CTNNA3: variants seen among roughly 807,000 people sequenced by gnomAD.
CTNNA3 encodes catenin alpha 3, also known as catenin alpha-3.
In CTNNA3, 76 loss-of-function variants were observed where a neutral mutation model predicts 95.7. The observed-to-expected ratio is 0.79, with a 90% CI of 0.66 to 0.96. The LOEUF (loss-of-function observed/expected upper bound fraction) is 0.96, where lower values mean the gene tolerates loss of function less well. Among genes scored for constraint, CTNNA3 ranks in the 40% least tolerant of loss-of-function variants. The probability of loss-of-function intolerance (pLI) is 0.00; values close to 1 mark genes in which losing one functional copy is unlikely to be tolerated. For missense variants in CTNNA3, 1,191 were observed against 1,089.8 expected (o/e 1.09, Z -1.31); for synonymous variants, 431 against 374.4 (o/e 1.15, Z -1.74).
At chr10:66,237,906 G>A (rs576120305) in intron 13 of CTNNA3, among the ~76,000 whole-genome samples, 92 of 152,098 alleles carry the variant, frequency 6.0e-4, no homozygotes, top group Admixed American at 2.7e-3. Flanking sequence ...TCTTGCATCT[G>A]TGGTTTCTTC....
chr10:66,848,299 T>C (rs1006339742), intron 7 of CTNNA3, among the ~76,000 whole-genome samples: 1 of 152,176 alleles, frequency 6.6e-6, no homozygotes, highest in Admixed American at 6.5e-5. Context: ...CCCAGGCAAG[T>C]TCAAGTTTGC....
chr10:67,562,832 T>C (rs1214200898), intron 3 of CTNNA3, among the ~76,000 whole-genome samples: 4 of 152,070 alleles, frequency 2.6e-5, no homozygotes, highest in Non-Finnish European at 5.9e-5. Context: ...ACAAGCATTC[T>C]TATACACCAA....
intron 9 of CTNNA3, among the ~76,000 whole-genome samples, chr10:66,668,037 G>C (rs1453612266): frequency 6.6e-6 from 1 of 152,078 alleles, no homozygotes; most frequent in Non-Finnish European, 1.5e-5. Flanking sequence ...AAAGGATCAT[G>C]AATCATTCAC....
intron 7 of CTNNA3, chr10:67,015,166 TA>T (rs1253663080): frequency 1.3e-5 from 2 of 152,162 alleles, no homozygotes; most frequent in Non-Finnish European, 2.9e-5. Flanking sequence ...CTTCCAATAT[TA>T]CCTTGTCACA....
chr10:67,647,185 G>A (rs1284814849), intron 2 of CTNNA3, among the ~76,000 whole-genome samples: 3 of 130,958 alleles, frequency 2.3e-5, no homozygotes, highest in African/African-American at 8.1e-5. Flanking sequence ...TATTATTACT[G>A]CTATTCTTGC....
chr10:66,376,126 C>T (rs1292324462), intron 12 of CTNNA3, among the ~76,000 whole-genome samples: 5 of 152,136 alleles, frequency 3.3e-5, no homozygotes, highest in African/African-American at 9.7e-5. Flanking sequence ...ATAAATCACA[C>T]AAAAATGTCT....
At chr10:66,636,851 T>C (rs978476000) in intron 9 of CTNNA3, among the ~76,000 whole-genome samples, 2 of 152,106 alleles carry the variant, frequency 1.3e-5, no homozygotes, top group East Asian at 1.9e-4. Flanking sequence ...TAGATGTAAA[T>C]ACACAAAACA....
At chr10:67,705,139 A>G (rs990370936) in intron 1 of CTNNA3, among the ~76,000 whole-genome samples, 6 of 151,942 alleles carry the variant, frequency 3.9e-5, no homozygotes, top group Admixed American at 1.3e-4. Flanking sequence ...CAGGTGCTGG[A>G]GAGGATGTGG....
intron 7 of CTNNA3, among the ~76,000 whole-genome samples, chr10:66,911,363 A>C (rs1846215937): frequency 6.6e-6 from 1 of 152,180 alleles, no homozygotes; most frequent in Non-Finnish European, 1.5e-5. Context: ...TTTATAATAA[A>C]TATATATCAC....
intron 9 of CTNNA3, among the ~76,000 whole-genome samples, chr10:66,717,542 G>C (rs1000162601): frequency 1.3e-5 from 2 of 152,106 alleles, no homozygotes; most frequent in African/African-American, 4.8e-5. Context: ...TCAAAGGTTA[G>C]AGAATCAAAA....
chr10:67,142,209 A>G (rs1188960846), intron 7 of CTNNA3, among the ~76,000 whole-genome samples: 2 of 152,218 alleles, frequency 1.3e-5, no homozygotes, highest in African/African-American at 4.8e-5. Context: ...AACAAAAACT[A>G]TATCCATAAT....
intron 5 of CTNNA3, among the ~76,000 whole-genome samples, chr10:67,412,237 A>T (rs1845393875): frequency 6.6e-6 from 1 of 152,132 alleles, no homozygotes; most frequent in African/African-American, 2.4e-5. Context: ...TTTAATTATG[A>T]CCTAAGTCTG....
chr10:66,819,106 A>AT (rs1554857097), intron 7 of CTNNA3, among the ~76,000 whole-genome samples: 32 of 150,424 alleles, frequency 2.1e-4, no homozygotes, highest in Non-Finnish European at 3.7e-4. Context: ...AAAAAAAAAA[A>AT]AAAAAAAAAG....
intron 17 of CTNNA3, among the ~76,000 whole-genome samples, chr10:65,951,711 A>G (rs2077617046): frequency 6.6e-6 from 1 of 152,000 alleles, no homozygotes; most frequent in South Asian, 2.1e-4. Context: ...AGTAAAGAAC[A>G]TGAGACCTAG....
chr10:67,596,817 C>A (rs962605851), intron 3 of CTNNA3, among the ~76,000 whole-genome samples: 4 of 152,178 alleles, frequency 2.6e-5, no homozygotes, highest in African/African-American at 9.7e-5. Context: ...AACCTCTTTA[C>A]AGAGATTGGG....
intron 13 of CTNNA3, among the ~76,000 whole-genome samples, chr10:66,149,346 T>C (rs2084068013): frequency 1.3e-5 from 2 of 150,712 alleles, no homozygotes; most frequent in South Asian, 4.2e-4. Flanking sequence ...ACATATATAA[T>C]TGCACATTTA....
intron 5 of CTNNA3, among the ~76,000 whole-genome samples, chr10:67,398,003 G>A (rs1296462253): frequency 1.3e-5 from 2 of 152,244 alleles, no homozygotes; most frequent in Non-Finnish European, 2.9e-5. Context: ...CAGAGGCAGA[G>A]CCCTCATGGA....
chr10:66,520,821 C>T (rs1228258266), intron 10 of CTNNA3, 48 bp from the exon 11 acceptor site: 1 of 1,496,968 alleles, frequency 6.7e-7, no homozygotes, highest in Admixed American at 1.7e-5. Context: ...GCAATGTTCA[C>T]TATTTGGGTG....
chr10:67,688,639 G>A (rs1431806564), intron 1 of CTNNA3, among the ~76,000 whole-genome samples: 1 of 152,042 alleles, frequency 6.6e-6, no homozygotes, highest in Non-Finnish European at 1.5e-5. Flanking sequence ...TCTTTTTCAG[G>A]GTTTGCAGGT....
Sources: allele counts gnomAD v4.1 joint callset (sites outside exome capture counted in the v4.1 genomes callset), GRCh38; gene constraint gnomAD v4.1.1; transcripts MANE v1.5; gene names NCBI Gene and HGNC (gene_info 2026-07-23, HGNC 2026-07-21).